The following TRAPPC9 variants were observed in gnomAD, a reference collection of about 807,000 sequenced individuals.
TRAPPC9 encodes the protein trafficking protein particle complex subunit 9.
A neutral mutation model predicts 124.0 loss-of-function variants in TRAPPC9; 83 were observed. The observed-to-expected ratio is 0.67, with a 90% CI of 0.56 to 0.80. The LOEUF (loss-of-function observed/expected upper bound fraction) is 0.80. Among genes scored for constraint, TRAPPC9 ranks in the 30% least tolerant of loss-of-function variants. TRAPPC9 has a pLI of 0.00. For synonymous variants in TRAPPC9, 638 were observed against 617.5 expected, an observed-to-expected ratio of 1.03 and a Z score of -0.49; for missense variants, 1,302 against 1,508.3, an observed-to-expected ratio of 0.86 and a Z score of 2.27.
intron 18 of TRAPPC9, among the ~76,000 whole-genome samples, chr8:140,013,528 C>T (rs1414666981): frequency 6.6e-6 from 1 of 152,062 alleles, no homozygotes; most frequent in Non-Finnish European, 1.5e-5. Context: ...TGCTGCTGCC[C>T]AAACAAAGAG....
At chr8:140,277,355 T>C (rs946618920) in intron 14 of TRAPPC9, among the ~76,000 whole-genome samples, 2 of 152,190 alleles carry the variant, frequency 1.3e-5, no homozygotes, top group Admixed American at 6.5e-5. Context: ...AGTCAAGAAA[T>C]AAACTTCCTC....
At position 139,871,637 on chromosome 8, in the gene TRAPPC9, A is replaced by C. The variant is rs557329220; in HGVS notation, c.3055+14242T>G. ...ACTGCAGAAATTACCCTTCCAAAAAAAGATGTCTCTTAAAGAAAGCAGCAG... is the reference window on the plus strand; with the variant it reads ...ACTGCAGAAATTACCCTTCCAAAAACAGATGTCTCTTAAAGAAAGCAGCAG... On this transcript the variant is annotated intron_variant, in intron 21 of 22. Transcript: ENST00000438773. Among the ~76,000 whole-genome samples, 150 of 152,362 alleles carry C rather than the reference A, an allele frequency of 9.8e-4. 2 individuals are homozygous for C. The South Asian group carries it at 0.029, about 29-fold the overall frequency.
intron 16 of TRAPPC9, among the ~76,000 whole-genome samples, chr8:140,249,728 C>T (rs1389389080): frequency 6.6e-6 from 1 of 151,478 alleles, no homozygotes; most frequent in East Asian, 2.0e-4. Context: ...CTCAGCCTCC[C>T]AAGTAGCTGG....
At chr8:140,367,189 T>C (rs1261948933) in intron 8 of TRAPPC9, among the ~76,000 whole-genome samples, 1 of 152,184 alleles carries the variant, frequency 6.6e-6, no homozygotes, top group Non-Finnish European at 1.5e-5. Flanking sequence ...AAACATATTT[T>C]TACCATATCA....
At chr8:139,832,297 G>A (rs1172129510) in intron 21 of TRAPPC9, among the ~76,000 whole-genome samples, 3 of 152,202 alleles carry the variant, frequency 2.0e-5, no homozygotes, top group African/African-American at 7.2e-5. Context: ...AACATCTGAG[G>A]ACCACCCAGC....
intron 19 of TRAPPC9, among the ~76,000 whole-genome samples, chr8:139,986,724 T>C (rs1837259347): frequency 6.6e-6 from 1 of 152,230 alleles, no homozygotes; most frequent in African/African-American, 2.4e-5. Context: ...ATAAAGCTGA[T>C]ACATCATGAA....
chr8:140,067,681 C>A (rs1842955755), intron 17 of TRAPPC9, among the ~76,000 whole-genome samples: 1 of 152,060 alleles, frequency 6.6e-6, no homozygotes, highest in Non-Finnish European at 1.5e-5. Flanking sequence ...GGTCACAGGG[C>A]AAATAAAGGG....
chr8:139,737,475 C>T (rs555972777), intron 21 of TRAPPC9, among the ~76,000 whole-genome samples: 1 of 128,344 alleles, frequency 7.8e-6, no homozygotes, highest in Non-Finnish European at 1.8e-5. Flanking sequence ...CTCCCCCCCC[C>T]CCCACGGAAA....
At chr8:140,259,492 T>C (rs2064349840) in intron 15 of TRAPPC9, among the ~76,000 whole-genome samples, 1 of 152,206 alleles carries the variant, frequency 6.6e-6, no homozygotes, top group Non-Finnish European at 1.5e-5. Context: ...AGATCCTGGC[T>C]CCGGCCGGCT....
intron 17 of TRAPPC9, among the ~76,000 whole-genome samples, chr8:140,042,648 C>T (rs985906702): frequency 2.0e-5 from 3 of 152,164 alleles, no homozygotes; most frequent in Non-Finnish European, 2.9e-5. Context: ...GTGGAGTGTC[C>T]GGGACCGCCT....
chr8:139,734,167 TG>T (rs1177480112), intron 21 of TRAPPC9, among the ~76,000 whole-genome samples: 16 of 151,950 alleles, frequency 1.1e-4, no homozygotes, highest in Non-Finnish European at 1.6e-4. Context: ...AGGGAGGCTG[TG>T]GGGGCCTGGC....
In TRAPPC9 at chr8:139,962,241, G is replaced by A. The variant is rs1179226059; in HGVS notation, c.2810+26485C>T. On this transcript the variant is annotated intron_variant, in intron 19 of 22. Transcript: ENST00000438773. ...AACTCGGGCAAAGGCACCACTGGCC[G>A]CAGAGATTTCCGGGAAGAAAATCGG... is the stretch of plus-strand genomic sequence containing the variant. Among the ~76,000 whole-genome samples, 12 of 124,428 alleles carry A rather than the reference G, an allele frequency of 9.6e-5. 2 individuals carry two copies. The highest frequency in any genetic ancestry group is 3.4e-4 in the Admixed American group (4 of 11,748). The allele number at this position is 124,428 out of a possible 152,430, so 81.6% of individuals were successfully genotyped here.
rs185258915 is a variant in TRAPPC9, at chr8:140,238,715, G to A, written c.2431+14062C>T. 3.9e-3 allele frequency among the ~76,000 whole-genome samples: 590 copies of A among 152,310 alleles called. 3 individuals carry two copies. The highest frequency in any genetic ancestry group is 0.017 in the South Asian group (82 of 4,818). On this transcript the variant is annotated intron_variant, in intron 16 of 22. Coordinates refer to ENST00000438773, the MANE Select transcript of TRAPPC9 (RefSeq NM_001160372.4). Reference sequence around the variant, plus strand: ...GTAAGATGTGAATTGATTTCAGCTCGAAGATGTAGAGAGCTGGAAACAACA... The same window carrying A: ...GTAAGATGTGAATTGATTTCAGCTCAAAGATGTAGAGAGCTGGAAACAACA...
Position 139,988,659 on chromosome 8 carries a change from C to A in TRAPPC9, c.2810+67G>T, listed in dbSNP as rs1587424145. On this transcript the variant is annotated intron_variant, in intron 19 of 22. Coordinates refer to ENST00000438773, the MANE Select transcript of TRAPPC9 (RefSeq NM_001160372.4). The stretch of plus-strand genomic sequence containing the variant: ...GACTTGGGGTGGATTATCTCCACAC[C>A]CTCCCAAGCAGCGTGGTGAAGGCAG... 9.2e-6 allele frequency: 10 copies of A among 1,088,714 alleles called. No individual in the cohort carries two copies. In the East Asian group the frequency reaches 1.8e-4, roughly 20 times the overall value. The allele number at this position is 1,088,714 out of a possible 1,614,324, so 67.4% of individuals were successfully genotyped here. A position where few individuals can be genotyped will look rare whatever the true frequency, so the allele number is the denominator to read the frequency against.
chr8:139,922,184 GTT>G (rs11333185), intron 19 of TRAPPC9, among the ~76,000 whole-genome samples: 287 of 145,702 alleles, frequency 2.0e-3, no homozygotes, highest in African/African-American at 2.3e-3. Flanking sequence ...ATGGTTTGGT[GTT>G]TTTTTTTTTT....
chr8:140,240,415 C>G (rs1587993675), intron 16 of TRAPPC9, among the ~76,000 whole-genome samples: 2 of 152,300 alleles, frequency 1.3e-5, no homozygotes, highest in East Asian at 1.9e-4. Context: ...GCTACGGGAT[C>G]TCCCCTACCA....
chr8:140,318,105 T>C (rs926739729), intron 9 of TRAPPC9, among the ~76,000 whole-genome samples: 1 of 152,206 alleles, frequency 6.6e-6, no homozygotes, highest in Non-Finnish European at 1.5e-5. Flanking sequence ...TTAAAATAAT[T>C]CAGCAAATTT....
intron 16 of TRAPPC9, among the ~76,000 whole-genome samples, chr8:140,231,660 A>ATTTT (rs71520265): frequency 1.6e-5 from 2 of 127,940 alleles, no homozygotes; most frequent in South Asian, 2.6e-4. Flanking sequence ...CACACAGCTA[A>ATTTT]TTTTTTTTTT....
chr8:140,217,876 G>A (rs991166015), intron 17 of TRAPPC9, among the ~76,000 whole-genome samples: 1 of 152,144 alleles, frequency 6.6e-6, no homozygotes, highest in Non-Finnish European at 1.5e-5. Context: ...AATTAGCTGG[G>A]CATGGTGGTG....
Sources: gnomAD v4.1 joint callset for allele counts (sites outside exome capture counted in the v4.1 genomes callset) on GRCh38, gnomAD v4.1.1 for gene constraint, MANE v1.5 for transcripts, NCBI Gene and HGNC (gene_info 2026-07-23, HGNC 2026-07-21) for gene names.